MTUS2: variants seen among roughly 807,000 people sequenced by gnomAD.
MTUS2 encodes the protein microtubule-associated tumor suppressor candidate 2.
A neutral mutation model predicts 114.1 loss-of-function variants in MTUS2; 40 were observed. The ratio of observed to expected loss-of-function variants is 0.35; its 90% CI spans 0.27 to 0.46. The LOEUF (loss-of-function observed/expected upper bound fraction) is 0.46, where lower values mean the gene tolerates loss of function less well. Among genes scored for constraint, MTUS2 ranks in the 20% least tolerant of loss-of-function variants. The pLI is 1.00. For missense variants in MTUS2, 1,679 were observed against 1,705.4 expected (o/e 0.98, Z 0.27); for synonymous variants, 688 against 672.0 (o/e 1.02, Z -0.37).
At chr13:29,261,530 GAC>G (rs1428850062) in intron 5 of MTUS2, among the ~76,000 whole-genome samples, 10 of 152,178 alleles carry the variant, frequency 6.6e-5, no homozygotes, top group Non-Finnish European at 1.5e-4. Context: ...TCAGATCTCT[GAC>G]ACAGAAGCAG....
intron 2 of MTUS2, among the ~76,000 whole-genome samples, chr13:28,943,482 A>C (rs1421960841): frequency 1.3e-5 from 2 of 152,306 alleles, no homozygotes; most frequent in Non-Finnish European, 2.9e-5. Context: ...TGAGTTGCCA[A>C]ATGTGGCTAG....
In MTUS2 at chr13:29,100,696, G is replaced by A. The variant is rs151005059; in HGVS notation, c.2447-77G>A. On this transcript the variant is annotated intron_variant, in intron 4 of 15. Coordinates refer to ENST00000612955, the MANE Select transcript of MTUS2 (RefSeq NM_001033602.4). ...GTCTGTTTATGATAGAACTGGGTTC[G>A]AATTCATAATCTGTAGAATTCATTA... is the stretch of plus-strand genomic sequence containing the variant. The A allele has an allele frequency of 4.0e-4, 590 of 1,477,640 alleles. 3 individuals are homozygous for A. The African/African-American group carries it at 7.6e-3, about 19-fold the overall frequency. The allele number at this position is 1,477,640 out of a possible 1,614,324, so 91.5% of individuals were successfully genotyped here. A position where few individuals can be genotyped will look rare whatever the true frequency, so the allele number is the denominator to read the frequency against.
intron 4 of MTUS2, among the ~76,000 whole-genome samples, chr13:29,092,283 G>GT (rs566851336): frequency 7.6e-4 from 115 of 152,150 alleles, no homozygotes; most frequent in African/African-American, 2.7e-3. Flanking sequence ...TTCCCTAATT[G>GT]TTTTTTTACA....
intron 3 of MTUS2, among the ~76,000 whole-genome samples, chr13:29,030,524 G>A (rs1886767523): frequency 1.3e-5 from 2 of 152,066 alleles, no homozygotes; most frequent in Non-Finnish European, 2.9e-5. Flanking sequence ...GCTGGTCCTT[G>A]GCCACCTGCT....
At position 29,024,520 on chromosome 13, in the gene MTUS2, T is replaced by G. The variant is rs1886422322; in HGVS notation, c.-179T>G. ...AACAGATAAGTCTTCCTGCTGTATA[T>G]CAAGACAATGCTTGGTTTTCAAGCT... On this transcript the variant is annotated 5_prime_UTR_variant, in exon 3 of 16. Coordinates refer to ENST00000612955, the MANE Select transcript of MTUS2 (RefSeq NM_001033602.4). The G allele has an allele frequency of 5.7e-6, 4 of 707,788 alleles. No homozygotes were observed. The highest frequency in any genetic ancestry group is 9.3e-6 in the Non-Finnish European group (4 of 431,166). The allele number at this position is 707,788 out of a possible 1,614,324, so 43.8% of individuals were successfully genotyped here.
rs560227755 is a variant in MTUS2 at position 29,135,408 on chromosome 13, T to C, written c.2644+34438T>C. ...TTTTTCTATCCTTTCACTTTCAACCTATTTGTGTCCTTGGATTTAAAGTGA... is the reference window on the plus strand; with the variant it reads ...TTTTTCTATCCTTTCACTTTCAACCCATTTGTGTCCTTGGATTTAAAGTGA... On this transcript the variant is annotated intron_variant, in intron 5 of 15. Coordinates refer to ENST00000612955, the MANE Select transcript of MTUS2 (RefSeq NM_001033602.4). Among the ~76,000 whole-genome samples, 5 of 152,348 alleles carry C rather than the reference T, an allele frequency of 3.3e-5. No individual in the cohort carries two copies. The East Asian group carries it at 7.7e-4, about 23-fold the overall frequency.
At chr13:29,499,891 A>G (rs1488472676) in intron 14 of MTUS2, among the ~76,000 whole-genome samples, 1 of 152,258 alleles carries the variant, frequency 6.6e-6, no homozygotes, top group African/African-American at 2.4e-5. Context: ...ATTGTCGCCA[A>G]GATTCTGGGC....
At chr13:29,292,289 C>G (rs764996689) in intron 6 of MTUS2, among the ~76,000 whole-genome samples, 1 of 152,192 alleles carries the variant, frequency 6.6e-6, no homozygotes, top group African/African-American at 2.4e-5. Flanking sequence ...ACCGTCACCC[C>G]CTGTTGTCCA....
At chr13:29,499,295 TG>T (rs1002925356) in intron 14 of MTUS2, among the ~76,000 whole-genome samples, 3 of 152,130 alleles carry the variant, frequency 2.0e-5, no homozygotes, top group Non-Finnish European at 2.9e-5. Context: ...CCCTCTACCC[TG>T]GGGCACAAGC....
rs1423127995 is a variant in MTUS2, at chr13:28,981,215, TTAAA to T, written c.-242-43237_-242-43234del. 2.6e-5 allele frequency among the ~76,000 whole-genome samples: 4 copies of T among 152,138 alleles called. No individual in the cohort carries two copies. The East Asian group carries it at 7.7e-4, about 29-fold the overall frequency. On this transcript the variant is annotated intron_variant, in intron 2 of 15. Coordinates refer to ENST00000612955, the MANE Select transcript of MTUS2 (RefSeq NM_001033602.4). ...TTTACCACAATATAAAGCATAAAAG[TTAAA>T]TAAAGATACTACTAATATATGAACC... is the stretch of plus-strand genomic sequence containing the variant.
intron 2 of MTUS2, among the ~76,000 whole-genome samples, chr13:28,900,780 T>C (rs900710488): frequency 6.6e-6 from 1 of 152,234 alleles, no homozygotes; most frequent in Admixed American, 6.5e-5. Flanking sequence ...ACAAACTAGG[T>C]TAGACAACAG....
intron 5 of MTUS2, among the ~76,000 whole-genome samples, chr13:29,267,995 G>A (rs1405103218): frequency 1.3e-5 from 2 of 152,134 alleles, no homozygotes; most frequent in Admixed American, 6.5e-5. Flanking sequence ...TCTGAAGGTA[G>A]ACATCAGATT....
intron 7 of MTUS2, among the ~76,000 whole-genome samples, chr13:29,357,889 A>G (rs1593344286): frequency 6.6e-6 from 1 of 152,316 alleles, no homozygotes; most frequent in Non-Finnish European, 1.5e-5. Flanking sequence ...CACTAGAAGC[A>G]TTTAGGTCAA....
intron 2 of MTUS2, among the ~76,000 whole-genome samples, chr13:28,911,423 C>G (rs957814289): frequency 1.3e-5 from 2 of 152,108 alleles, no homozygotes; most frequent in Non-Finnish European, 2.9e-5. Context: ...ATCCACCCGC[C>G]TCAGCCTCCC....
intron 5 of MTUS2, among the ~76,000 whole-genome samples, chr13:29,202,154 G>T (rs1468992439): frequency 6.6e-6 from 1 of 151,772 alleles, no homozygotes; most frequent in South Asian, 2.1e-4. Flanking sequence ...TCAAACATTG[G>T]TTTGGTCTTT....
chr13:29,476,373 T>TG (rs1880705050), intron 9 of MTUS2: 1 of 151,724 alleles, frequency 6.6e-6, no homozygotes, highest in Non-Finnish European at 1.5e-5. Flanking sequence ...TTTTCATTGT[T>TG]TTATTTTGCC....
In MTUS2 at chr13:29,285,565, A is replaced by G. The variant is rs982665278; in HGVS notation, c.2806+3700A>G. Reference sequence around the variant, plus strand: ...TTTGGTGCAGCCTCTGGAGTTAACTACTGATTTACTAGAAGTACAAAGGAA... The same window carrying G: ...TTTGGTGCAGCCTCTGGAGTTAACTGCTGATTTACTAGAAGTACAAAGGAA... On this transcript the variant is annotated intron_variant, in intron 6 of 15. Transcript: ENST00000612955. 2.0e-5 allele frequency among the ~76,000 whole-genome samples: 3 copies of G among 152,184 alleles called. No homozygotes were observed. The East Asian group carries it at 5.8e-4, about 29-fold the overall frequency.
chr13:29,060,497 C>G (rs1593433922), intron 4 of MTUS2, among the ~76,000 whole-genome samples: 1 of 151,268 alleles, frequency 6.6e-6, no homozygotes, highest in East Asian at 1.9e-4. Flanking sequence ...CTGTCTGTGT[C>G]CACCTGCTGC....
intron 8 of MTUS2, among the ~76,000 whole-genome samples, chr13:29,368,268 T>C (rs1297911633): frequency 6.6e-6 from 1 of 151,914 alleles, no homozygotes; most frequent in Non-Finnish European, 1.5e-5. Flanking sequence ...ATGTATCACC[T>C]GTCCCACCCC....
Sources: allele counts gnomAD v4.1 joint callset (sites outside exome capture counted in the v4.1 genomes callset), GRCh38; gene constraint gnomAD v4.1.1; transcripts MANE v1.5; gene names NCBI Gene and HGNC (gene_info 2026-07-23, HGNC 2026-07-21).